The following NUP210L variants were observed in gnomAD, a reference collection of about 807,000 sequenced individuals.
The protein encoded by NUP210L is nucleoporin 210 like.
A neutral mutation model predicts 208.5 loss-of-function variants in NUP210L; 74 were observed. The observed-to-expected ratio is 0.35, with a 90% CI of 0.29 to 0.43. The LOEUF (loss-of-function observed/expected upper bound fraction) is 0.43. NUP210L is among the 20% of genes least tolerant of loss of function. The pLI, the probability that NUP210L is intolerant of heterozygous loss-of-function variation, is 1.00. For missense variants in NUP210L, 1,843 were observed against 2,289.4 expected, an observed-to-expected ratio of 0.81 and a Z score of 3.98; for synonymous variants, 780 against 816.9, an observed-to-expected ratio of 0.95 and a Z score of 0.77.
chr1:154,135,953 T>G, exon 7 of NUP210L: 3 of 1,606,082 alleles, frequency 1.9e-6, no homozygotes, highest in Non-Finnish European at 2.6e-6. Context: ...GTATATAATG[T>G]TCCAGGGGAA....
intron 27 of NUP210L, chr1:154,040,080 T>A (rs1418257639): frequency 6.6e-6 from 1 of 152,148 alleles, no homozygotes; most frequent in Non-Finnish European, 1.5e-5. Flanking sequence ...TGAAGTGCAG[T>A]GGTACAGTCA....
At chr1:154,145,514 AG>A (rs1252416220) in intron 2 of NUP210L, among the ~76,000 whole-genome samples, 131 of 152,336 alleles carry the variant, frequency 8.6e-4, no homozygotes, top group African/African-American at 2.9e-3. Flanking sequence ...GATGCAATAA[AG>A]TATGCTTATT....
At position 154,070,797 on chromosome 1, in the gene NUP210L, G is replaced by T. The variant is rs140535968; in HGVS notation, c.2362-332C>A. ...TTCAGCATGTATCCTAAGAATACGA[G>T]AACATTCTGCTATGTAAGAAACAGG... On this transcript the variant is annotated intron_variant, in intron 16 of 39. Coordinates refer to ENST00000368559, the Ensembl canonical transcript of NUP210L. Among the ~76,000 whole-genome samples, 842 of 152,150 alleles carry T rather than the reference G, an allele frequency of 5.5e-3. 5 individuals are homozygous for T. Among genetic ancestry groups the T allele is most frequent in the Admixed American group, 9.3e-3 (142 of 15,280 alleles).
intron 10 of NUP210L, among the ~76,000 whole-genome samples, chr1:154,125,011 G>A (rs994896666): frequency 6.6e-6 from 1 of 151,480 alleles, no homozygotes; most frequent in African/African-American, 2.4e-5. Context: ...ATGTGCATAT[G>A]AAATACATCA....
exon 36 of NUP210L, chr1:154,001,783 G>A (rs1239248131): frequency 6.2e-6 from 10 of 1,614,002 alleles, no homozygotes; most frequent in Middle Eastern, 1.6e-4. Flanking sequence ...TTATCTCCCC[G>A]ATATCTTGTT....
intron 2 of NUP210L, among the ~76,000 whole-genome samples, chr1:154,148,351 C>T (rs982004747): frequency 2.0e-5 from 3 of 151,184 alleles, no homozygotes; most frequent in Non-Finnish European, 2.9e-5. Context: ...GGCATGGTGG[C>T]GTGTGCCTGC....
chr1:154,112,817 C>G (rs965631790), intron 12 of NUP210L, among the ~76,000 whole-genome samples: 1 of 149,582 alleles, frequency 6.7e-6, no homozygotes, highest in African/African-American at 2.5e-5. Flanking sequence ...GGTTGCATCA[C>G]TGCACTCCAG....
chr1:154,020,715 C>T (rs770980790), intron 32 of NUP210L, among the ~76,000 whole-genome samples: 2 of 150,402 alleles, frequency 1.3e-5, no homozygotes, highest in Non-Finnish European at 3.0e-5. Context: ...TTAGTAGAGA[C>T]GGGGTTTCAC....
chr1:154,094,311 A>G (rs1656082753), intron 15 of NUP210L, among the ~76,000 whole-genome samples: 3 of 151,666 alleles, frequency 2.0e-5, no homozygotes, highest in Admixed American at 2.0e-4. Context: ...AACAAAAATT[A>G]GCTGGGCATG....
intron 10 of NUP210L, among the ~76,000 whole-genome samples, chr1:154,122,266 C>T (rs1340679917): frequency 3.3e-5 from 5 of 152,174 alleles, no homozygotes; most frequent in African/African-American, 1.2e-4. Flanking sequence ...AAATTGAATT[C>T]ATAGTTTAAA....
At chr1:154,135,425 CTT>C (rs1210397395) in intron 7 of NUP210L, among the ~76,000 whole-genome samples, 6 of 144,434 alleles carry the variant, frequency 4.2e-5, no homozygotes, top group Admixed American at 7.0e-5. Context: ...GTATTATAAT[CTT>C]TTTTTTTTTT....
chr1:154,039,692 C>A (rs1464817608), intron 27 of NUP210L, among the ~76,000 whole-genome samples: 1 of 151,972 alleles, frequency 6.6e-6, no homozygotes, highest in Non-Finnish European at 1.5e-5. Flanking sequence ...ATTTGAGCTC[C>A]TTTGTATATT....
At position 154,143,685 on chromosome 1, in the gene NUP210L, G is replaced by A. The variant is rs186146112; in HGVS notation, c.341-108C>T. 3.5e-4 allele frequency: 327 copies of A among 935,438 alleles called. No individual in the cohort carries two copies. In the African/African-American group the frequency reaches 5.0e-3, roughly 14 times the overall value. The allele number at this position is 935,438 out of a possible 1,614,324, so 57.9% of individuals were successfully genotyped here. On this transcript the variant is annotated intron_variant, in intron 2 of 39. Transcript: ENST00000368559. ...AAAGATTATGAAAAAGAAAGACTAT[G>A]ACTGCTGCTTTTACCTATGGAAGAA...
At position 154,023,250 on chromosome 1, in the gene NUP210L, G is replaced by A. The variant is rs923722203; in HGVS notation, c.4170C>T (p.Tyr1390=). The change falls in exon 31 of 40, where the codon TAC becomes TAT. Residue 1390 remains tyrosine (Y), a synonymous_variant. Transcript: ENST00000368559. ...CTGACAGGGTCCTTCCTTGGGCTGT[G>A]TATAGCTTGGGTTGGCTGCTCACTC... The A allele has an allele frequency of 2.5e-6, 4 of 1,613,394 alleles. No individual in the cohort carries two copies. The Admixed American group carries it at 6.7e-5, about 27-fold the overall frequency.
In NUP210L at chr1:154,111,766, C is replaced by T. The variant is rs554796228; in HGVS notation, c.1620+5959G>A. On this transcript the variant is annotated intron_variant, in intron 12 of 39. Transcript: ENST00000368559. ...ATTTTGAAAAATAGAGAAGAGAATA[C>T]GTCCAAACTTATTCTATGTGGCCAG... Among the ~76,000 whole-genome samples, 6 of 151,590 alleles carry T rather than the reference C, an allele frequency of 4.0e-5. 1 individual carries two copies. The highest frequency in any genetic ancestry group is 5.9e-5 in the Non-Finnish European group (4 of 68,010).
exon 31 of NUP210L, chr1:154,023,143 T>A (rs761117251): frequency 1.2e-6 from 2 of 1,613,960 alleles, no homozygotes. Context: ...CAGATAAAGC[T>A]GGGTATTGTG....
Position 154,126,477 on chromosome 1 carries a change from C to T in NUP210L, c.1186-14G>A, listed in dbSNP as rs749334251. ...AATCCTGAGATTCTGAAAATCAGCC[C>T]CACAGTAACACAAACCTGAAGATAT... On this transcript the variant is annotated splice_polypyrimidine_tract_variant and intron_variant, in intron 9 of 39. Transcript: ENST00000368559. 1 of 1,603,468 alleles carries T rather than the reference C, an allele frequency of 6.2e-7. No individual in the cohort carries two copies. The highest frequency in any genetic ancestry group is 1.1e-5 in the South Asian group (1 of 88,934).
intron 17 of NUP210L, 66 bp downstream of exon 17, chr1:154,070,197 AAAAACAAAAC>A (rs1003958607): frequency 3.9e-6 from 5 of 1,280,190 alleles, no homozygotes; most frequent in Admixed American, 4.7e-5. Context: ...ACTTAAAGCA[AAAAACAAAAC>A]AAAACAAAAC....
In NUP210L at chr1:154,042,755, C is replaced by G. The variant is rs1300477281; in HGVS notation, c.3696+3314G>C. On this transcript the variant is annotated intron_variant, in intron 27 of 39. Transcript: ENST00000368559. Reference sequence around the variant, plus strand: ...TTTTTTCTTGAGACAAGGTCTCACTCTGTTGCCCAGGCTGGAGTCCAGTGG... The same window carrying G: ...TTTTTTCTTGAGACAAGGTCTCACTGTGTTGCCCAGGCTGGAGTCCAGTGG... Among the ~76,000 whole-genome samples, 7 of 151,864 alleles carry G rather than the reference C, an allele frequency of 4.6e-5. No homozygotes were observed. The East Asian group carries it at 1.4e-3, about 30-fold the overall frequency.
Sources: allele counts gnomAD v4.1 joint callset (sites outside exome capture counted in the v4.1 genomes callset), GRCh38; gene constraint gnomAD v4.1.1; transcripts MANE v1.5; gene names NCBI Gene and HGNC (gene_info 2026-07-23, HGNC 2026-07-21).